The following AKAP9 variants were observed in gnomAD, a reference collection of about 807,000 sequenced individuals.
AKAP9 encodes A-kinase anchoring protein 9.
Under a neutral mutation model 488.5 loss-of-function variants are expected in AKAP9, and 311 were observed. The observed-to-expected ratio is 0.64, with a 90% CI of 0.58 to 0.70. The LOEUF is 0.70. Ranked by LOEUF, AKAP9 falls within the 30% of genes least tolerant of loss-of-function variation. The probability of loss-of-function intolerance (pLI) is 0.00; values close to 1 mark genes in which losing one functional copy is unlikely to be tolerated. For missense variants in AKAP9, 4,215 were observed against 4,374.5 expected, an observed-to-expected ratio of 0.96 and a Z score of 1.03; for synonymous variants, 1,462 against 1,483.5, an observed-to-expected ratio of 0.99 and a Z score of 0.33.
In AKAP9 at chr7:92,089,437, G is replaced by A; in HGVS notation, c.9266G>A (p.Ser3089Asn). The change falls in exon 38 of 50, where the codon AGT becomes AAT. Residue 3089 changes from serine to asparagine, a missense_variant. Coordinates refer to ENST00000356239, the MANE Select transcript of AKAP9 (RefSeq NM_005751.5). ...TGCCTCCAGAAAGCAGATAGAAGGAGTTTGTTATCTGAAATTCAGGCACTG... is the reference window on the plus strand; with the variant it reads ...TGCCTCCAGAAAGCAGATAGAAGGAATTTGTTATCTGAAATTCAGGCACTG... ...MECLQKADRRSLLSEIQALHA... is the reference protein window; with the variant it reads ...MECLQKADRRNLLSEIQALHA... The A allele has an allele frequency of 6.2e-7, 1 of 1,612,432 alleles. No homozygotes were observed. Among genetic ancestry groups the A allele is most frequent in the Non-Finnish European group, 8.5e-7 (1 of 1,179,572 alleles).
intron 14 of AKAP9, 51 bp downstream of exon 14, chr7:92,023,060 A>T (rs1436955265): frequency 6.4e-7 from 1 of 1,558,132 alleles, no homozygotes. Context: ...CTTTGTAACA[A>T]TTATAGTATC....
chr7:91,996,816 A>G (rs1798461390), intron 7 of AKAP9, among the ~76,000 whole-genome samples: 1 of 152,224 alleles, frequency 6.6e-6, no homozygotes, highest in African/African-American at 2.4e-5. Flanking sequence ...TATTGCTTGG[A>G]TGATAATAAT....
chr7:92,008,970 G>A (rs1336795327), intron 8 of AKAP9, among the ~76,000 whole-genome samples: 1 of 146,768 alleles, frequency 6.8e-6, no homozygotes, highest in African/African-American at 2.6e-5. Context: ...TGGCAACAGA[G>A]CGAGACTCCA....
chr7:92,040,692 G>A lies in AKAP9; in HGVS notation c.4711G>A (p.Val1571Met). The A allele has an allele frequency of 1.3e-6, 2 of 1,509,904 alleles. No homozygotes were observed. The highest frequency in any genetic ancestry group is 1.1e-5 in the South Asian group (1 of 87,968). The allele number at this position is 1,509,904 out of a possible 1,614,324, so 93.5% of individuals were successfully genotyped here. ...VRQSIHDEIS[V>M]SSMDASRQLM... ...ATTAAAGATTCATGATGAGATTTCA[G>A]TGTCAAGCATGGATGCTTCTAGACA... Residue 1571 changes from valine to methionine, a missense_variant, in exon 18 of 50, where the codon GTG becomes ATG. Coordinates refer to ENST00000356239, the MANE Select transcript of AKAP9 (RefSeq NM_005751.5).
At chr7:91,950,843 A>T (rs1239347514) in intron 1 of AKAP9, among the ~76,000 whole-genome samples, 1 of 152,208 alleles carries the variant, frequency 6.6e-6, no homozygotes, top group Non-Finnish European at 1.5e-5. Flanking sequence ...TATATGAAAT[A>T]ATGAGTTTTG....
In AKAP9 at chr7:92,042,184, C is replaced by G. The variant is rs764941338; in HGVS notation, c.5056C>G (p.Gln1686Glu). The change falls in exon 19 of 50, where the codon CAG (glutamine) becomes GAG (glutamate). Residue 1686 changes from glutamine to glutamate, a missense_variant and splice_region_variant. This residue lies in a region of AKAP9 where 2,361 missense variants were observed against 2,430.0 expected (regional missense o/e 0.97). Coordinates refer to ENST00000356239, the MANE Select transcript of AKAP9 (RefSeq NM_005751.5). Reference sequence around the variant, plus strand: ...GCTGCGCAACAGCAGTACGCAAACACAGGTAGTATGGACTTTGCCCCACCT... The same window carrying G: ...GCTGCGCAACAGCAGTACGCAAACAGAGGTAGTATGGACTTTGCCCCACCT... ...CELRNSSTQT[Q>E]NGNENQGEVE... 3 of 1,613,634 alleles carry G rather than the reference C, an allele frequency of 1.9e-6. No individual in the cohort carries two copies. Among genetic ancestry groups the G allele is most frequent in the Admixed American group, 1.7e-5 (1 of 59,984 alleles).
chr7:91,979,931 A>T (rs1173520252), intron 2 of AKAP9, among the ~76,000 whole-genome samples: 2 of 152,180 alleles, frequency 1.3e-5, no homozygotes, highest in African/African-American at 4.8e-5. Context: ...TGGGTAACTG[A>T]AATTATAGGA....
In AKAP9 at chr7:92,042,661, T is replaced by C. The variant is rs774681494; in HGVS notation, c.5059-7T>C. Reference sequence around the variant, plus strand: ...TCTCCTCTCTTCCTTTACACAAACTTAAACAGAATGGAAATGAAAACCAAG... The same window carrying C: ...TCTCCTCTCTTCCTTTACACAAACTCAAACAGAATGGAAATGAAAACCAAG... On this transcript the variant is annotated splice_region_variant and splice_polypyrimidine_tract_variant and intron_variant, in intron 19 of 49. Coordinates refer to ENST00000356239, the MANE Select transcript of AKAP9 (RefSeq NM_005751.5). 5.6e-6 allele frequency: 9 copies of C among 1,596,976 alleles called. No homozygotes were observed. In the South Asian group the frequency reaches 9.9e-5, roughly 18 times the overall value.
intron 1 of AKAP9, among the ~76,000 whole-genome samples, chr7:91,969,201 A>G (rs1217415324): frequency 2.0e-5 from 3 of 151,952 alleles, no homozygotes; most frequent in Non-Finnish European, 1.5e-5. Flanking sequence ...GAACATACTT[A>G]ATTATTATTT....
chr7:92,042,583 C>A, intron 19 of AKAP9, 85 bp from the exon 20 acceptor site: 1 of 933,620 alleles, frequency 1.1e-6, no homozygotes, highest in Non-Finnish European at 1.7e-6. Context: ...TATCTCATAC[C>A]AATATAGAAG....
rs529758554 is a variant in AKAP9 at position 92,105,020 on chromosome 7, CCCA to C, written c.11331-656_11331-654del. The stretch of plus-strand genomic sequence containing the variant: ...TTGTTATTGACATACTTCACTCTGC[CCCA>C]CTTTTTCTTATCCAAGATTATGTTT... On this transcript the variant is annotated intron_variant, in intron 46 of 49. Transcript: ENST00000356239. Among the ~76,000 whole-genome samples the C allele has an allele frequency of 2.8e-3, 419 of 152,076 alleles. 1 individual carries two copies. The highest frequency in any genetic ancestry group is 9.8e-3 in the African/African-American group (405 of 41,460).
At chr7:92,040,949 C>T (rs1806000631) in intron 18 of AKAP9, 51 bp downstream of exon 18, 1 of 1,466,558 alleles carries the variant, frequency 6.8e-7, no homozygotes, top group African/African-American at 1.4e-5. Context: ...TTTTTCCAAA[C>T]ACCAACTTGA....
chr7:92,064,381 T>C (rs1321254251), intron 24 of AKAP9, among the ~76,000 whole-genome samples: 2 of 152,152 alleles, frequency 1.3e-5, no homozygotes, highest in African/African-American at 2.4e-5. Flanking sequence ...ATTTTTACTA[T>C]ATACACTTTG....
chr7:92,000,862 A>T lies in AKAP9; in HGVS notation c.945A>T (p.Lys315Asn). Residue 315 changes from lysine (K) to asparagine (N), a missense_variant, in exon 8 of 50, where the codon AAA becomes AAT. Physicochemically the swap from Lys to Asn is moderately conservative, Grantham distance 94. This residue lies in a region of AKAP9 where 2,361 missense variants were observed against 2,430.0 expected (regional missense o/e 0.97). Transcript: ENST00000356239. ...IKVYEMEQDKKVENSNKEEIQ... is the reference protein window; with the variant it reads ...IKVYEMEQDKNVENSNKEEIQ... Reference sequence around the variant, plus strand: ...TTTTCCTAAAGGAACAAGATAAAAAAGTAGAAAACTCAAATAAAGAAGAAA... The same window carrying T: ...TTTTCCTAAAGGAACAAGATAAAAATGTAGAAAACTCAAATAAAGAAGAAA... 1 of 1,405,506 alleles carries T rather than the reference A, an allele frequency of 7.1e-7. No individual in the cohort carries two copies. Among genetic ancestry groups the T allele is most frequent in the East Asian group, 2.5e-5 (1 of 39,498 alleles). 87.1% of individuals were successfully genotyped at this position (1,405,506 alleles called of 1,614,324 possible). A position where few individuals can be genotyped will look rare whatever the true frequency, so the allele number is the denominator to read the frequency against.
intron 12 of AKAP9, 134 bp from the exon 13 acceptor site, chr7:92,022,104 A>C (rs1802407398): frequency 1.4e-6 from 1 of 712,874 alleles, no homozygotes; most frequent in Admixed American, 2.1e-5. Context: ...TAGAAGGGAA[A>C]ATGCTTGTAT....
At chr7:92,025,969 C>T (rs1416318418) in intron 14 of AKAP9, among the ~76,000 whole-genome samples, 1 of 152,124 alleles carries the variant, frequency 6.6e-6, no homozygotes, top group Non-Finnish European at 1.5e-5. Context: ...GGAATTTAAA[C>T]CCATGTCTTT....
intron 30 of AKAP9, 40 bp downstream of exon 30, chr7:92,077,915 C>T (rs1243856745): frequency 6.6e-7 from 1 of 1,524,558 alleles, no homozygotes; most frequent in East Asian, 2.4e-5. Flanking sequence ...TAATATGAAC[C>T]AGAGTTTTAA....
chr7:92,084,969 C>T, intron 35 of AKAP9, 29 bp downstream of exon 35: 1 of 1,608,334 alleles, frequency 6.2e-7, no homozygotes, highest in Non-Finnish European at 8.5e-7. Flanking sequence ...CTTTTATTAA[C>T]TCAGCCAGTG....
intron 12 of AKAP9, among the ~76,000 whole-genome samples, 191 bp downstream of exon 12, chr7:92,017,293 A>G (rs1326785863): frequency 6.6e-6 from 1 of 152,132 alleles, no homozygotes; most frequent in Non-Finnish European, 1.5e-5. Flanking sequence ...TCGAATAATA[A>G]CCCCTTTAGA....
Sources: allele counts gnomAD v4.1 joint callset (sites outside exome capture counted in the v4.1 genomes callset), GRCh38; gene constraint gnomAD v4.1.1; regional missense constraint gnomAD v4.1.1; transcripts MANE v1.5; gene names NCBI Gene and HGNC (gene_info 2026-07-23, HGNC 2026-07-21).